AKAP19: variants seen among roughly 807,000 people sequenced by gnomAD.
The protein encoded by AKAP19 is A-kinase anchoring protein 19.
At chr2:190,074,393 C>G in the AKAP19 span, among the ~76,000 whole-genome samples, 1 of 152,028 alleles carries the variant, frequency 6.6e-6, no homozygotes, top group Non-Finnish European at 1.5e-5. Flanking sequence ...GGCTTCACAC[C>G]TGTAATCCCA....
At chr2:190,059,759 G>A in the AKAP19 span, among the ~76,000 whole-genome samples, 22 of 151,992 alleles carry the variant, frequency 1.4e-4, 1 homozygote, top group South Asian at 4.2e-3. Flanking sequence ...ATACAGTCAT[G>A]TATCATATTA....
At chr2:189,936,167 A>G in the AKAP19 span, among the ~76,000 whole-genome samples, 1 of 152,078 alleles carries the variant, frequency 6.6e-6, no homozygotes, top group East Asian at 1.9e-4. Flanking sequence ...ATGTCTCCAT[A>G]TTTTATTTGG....
the AKAP19 span, among the ~76,000 whole-genome samples, chr2:189,937,748 G>A: frequency 6.6e-6 from 1 of 152,072 alleles, no homozygotes; most frequent in African/African-American, 2.4e-5. Flanking sequence ...TATACAAAAG[G>A]TGGGCAATAA....
At chr2:189,966,890 A>T in the AKAP19 span, among the ~76,000 whole-genome samples, 14 of 152,346 alleles carry the variant, frequency 9.2e-5, no homozygotes, top group African/African-American at 3.1e-4. Flanking sequence ...AGAAAAACCA[A>T]TGCACAGACT....
the AKAP19 span, among the ~76,000 whole-genome samples, chr2:189,984,749 T>G: frequency 6.6e-6 from 1 of 152,164 alleles, no homozygotes; most frequent in Non-Finnish European, 1.5e-5. Context: ...TTTGGGGAAC[T>G]AATAAATGTA....
chr2:190,190,827 T>A, the AKAP19 span, among the ~76,000 whole-genome samples: 28 of 152,290 alleles, frequency 1.8e-4, no homozygotes, highest in East Asian at 5.2e-3. Context: ...AACAAGTCTA[T>A]GAATTTTAAC....
the AKAP19 span, among the ~76,000 whole-genome samples, chr2:189,949,359 C>T: frequency 6.6e-6 from 1 of 152,028 alleles, no homozygotes; most frequent in Non-Finnish European, 1.5e-5. Flanking sequence ...CAAAACTAGC[C>T]TGACCAAGAT....
the AKAP19 span, among the ~76,000 whole-genome samples, chr2:190,044,393 G>A: frequency 1.3e-5 from 2 of 152,210 alleles, no homozygotes; most frequent in Non-Finnish European, 2.9e-5. Flanking sequence ...GTGATGAGCA[G>A]TGTGGGGCCC....
chr2:190,144,004 C>G, the AKAP19 span, among the ~76,000 whole-genome samples: 1 of 112,952 alleles, frequency 8.9e-6, no homozygotes, highest in East Asian at 2.5e-4. Context: ...GGGAATATCA[C>G]ACTCTGGGGA....
chr2:190,194,616 T>C, the AKAP19 span, among the ~76,000 whole-genome samples: 4 of 152,124 alleles, frequency 2.6e-5, no homozygotes, highest in Non-Finnish European at 4.4e-5. Context: ...TTGACAAATG[T>C]ATGACAGAAA....
chr2:190,177,516 A>T, the AKAP19 span, among the ~76,000 whole-genome samples: 6 of 152,210 alleles, frequency 3.9e-5, no homozygotes, highest in East Asian at 1.2e-3. The surrounding 1 kb of genome is among the most constrained non-coding windows in gnomAD (Gnocchi z 4.6). Flanking sequence ...ACATCATCTC[A>T]CTGCTTAGAG....
At chr2:189,967,392 C>A in the AKAP19 span, among the ~76,000 whole-genome samples, 1 of 152,074 alleles carries the variant, frequency 6.6e-6, no homozygotes, top group African/African-American at 2.4e-5. Context: ...GGTGTAACTT[C>A]AAAACCAAAA....
chr2:190,146,553 T>G, the AKAP19 span, among the ~76,000 whole-genome samples: 2 of 152,196 alleles, frequency 1.3e-5, no homozygotes, highest in Admixed American at 1.3e-4. Flanking sequence ...TAGTTCTACT[T>G]TTAGTTCTTT....
chr2:189,918,889 A>G, the AKAP19 span, among the ~76,000 whole-genome samples: 1 of 152,230 alleles, frequency 6.6e-6, no homozygotes, highest in African/African-American at 2.4e-5. Context: ...GTTAAGTGAA[A>G]GAACCCAGGT....
chr2:189,914,801 C>A, the AKAP19 span, among the ~76,000 whole-genome samples: 1 of 151,932 alleles, frequency 6.6e-6, no homozygotes, highest in African/African-American at 2.4e-5. Context: ...ATTCCTGCCC[C>A]ATTTTATAGA....
the AKAP19 span, chr2:190,180,556 C>A: frequency 2.0e-6 from 2 of 985,714 alleles, no homozygotes; most frequent in African/African-American, 3.5e-5. This position sits in a 1 kb window ranked among gnomAD's most constrained non-coding sequence, Gnocchi z 6.8. Context: ...GCTGCGGCGC[C>A]GGCAGCTGCT....
chr2:190,033,087 T>C, the AKAP19 span, among the ~76,000 whole-genome samples: 1 of 152,348 alleles, frequency 6.6e-6, no homozygotes, highest in African/African-American at 2.4e-5. Context: ...CAACTTCTTT[T>C]TCCTTGCTAA....
the AKAP19 span, among the ~76,000 whole-genome samples, chr2:190,012,134 A>T: frequency 6.6e-6 from 1 of 152,022 alleles, no homozygotes; most frequent in Non-Finnish European, 1.5e-5. Flanking sequence ...TTTTCAGTAT[A>T]CAGATTTTTC....
the AKAP19 span, among the ~76,000 whole-genome samples, chr2:189,999,505 T>C: frequency 3.3e-5 from 5 of 152,346 alleles, no homozygotes; most frequent in African/African-American, 4.8e-5. Context: ...TTGTCACTTA[T>C]AGTGTTCTTT....
Sources: allele counts gnomAD v4.1 joint callset (sites outside exome capture counted in the v4.1 genomes callset), GRCh38; gene constraint gnomAD v4.1.1; non-coding constraint Gnocchi (gnomAD v3.1); transcripts MANE v1.5; gene names NCBI Gene and HGNC (gene_info 2026-07-23, HGNC 2026-07-21).